MST1: variants seen among roughly 807,000 people sequenced by gnomAD.
The protein encoded by MST1 is hepatocyte growth factor-like protein.
MST1 carries 76 observed loss-of-function variants against 100.1 expected under a neutral mutation model. The observed-to-expected ratio is 0.76, with a 90% confidence interval of 0.63 to 0.92. The LOEUF is 0.92. MST1 is among the 40% of genes least tolerant of loss of function. The pLI, the probability that MST1 is intolerant of heterozygous loss-of-function variation, is 0.00. For synonymous variants in MST1, 352 were observed against 385.4 expected (o/e 0.91, Z 1.01); for missense variants, 850 against 990.0 (o/e 0.86, Z 1.90).
At position 49,684,745 on chromosome 3, in the gene MST1, G is replaced by C. The variant is rs537341158; in HGVS notation, c.1762C>G (p.Leu588Val). Residue 588 changes from leucine to valine, a missense_variant, in exon 15 of 18, where the codon CTG (leucine) becomes GTG (valine). Leu to Val is a conservative substitution (Grantham distance 32). Coordinates refer to ENST00000449682, the MANE Select transcript of MST1 (RefSeq NM_020998.4). ...PSGSQLVLLK[L>V]ERSVTLNQRV... ...CCCAGGTTGTCCACATACCTCTCCA[G>C]CTTGAGCAGGACAAGCTGGGAGCCT... 1 of 1,613,428 alleles carries C rather than the reference G, an allele frequency of 6.2e-7. No individual in the cohort carries two copies. Among genetic ancestry groups the C allele is most frequent in the East Asian group, 2.2e-5 (1 of 44,878 alleles).
rs2053626203 is a variant in MST1, at chr3:49,685,375, C to T, written c.1431G>A (p.Val477=). The T allele has an allele frequency of 1.2e-6, 2 of 1,613,602 alleles. No homozygotes were observed. The highest frequency in any genetic ancestry group is 1.7e-6 in the Non-Finnish European group (2 of 1,179,870). Residue 477 remains valine (V), a synonymous_variant, in exon 13 of 18, where the codon GTG becomes GTA. Transcript: ENST00000449682. ...PPSILDPPDQ[V]QFEKCGKRVD... ...CCCTCTTGCCACACTTCTCAAACTG[C>T]ACCTGGTCTGTAGGATGGGGTGGGC...
chr3:49,688,056 GAT>G, intron 1 of MST1, 159 bp from the exon 2 acceptor site: 1 of 1,209,686 alleles, frequency 8.3e-7, no homozygotes, highest in East Asian at 2.6e-5. Flanking sequence ...CCCCTGCACA[GAT>G]ACTTGTGAAA....
At position 49,685,317 on chromosome 3, in the gene MST1, G is replaced by C; in HGVS notation, c.1489C>G (p.Arg497Gly). 6.2e-7 allele frequency: 1 copy of C among 1,613,342 alleles called. No individual in the cohort carries two copies. Among genetic ancestry groups the C allele is most frequent in the Non-Finnish European group, 8.5e-7 (1 of 1,179,854 alleles). The stretch of plus-strand genomic sequence containing the variant: ...TTGCCCGGATGGCCCCCAACCACGC[G>C]CAGCTTGGAACGCCGCTGATCCAGC... ...DRLDQRRSKL[R>G]VVGGHPGNSP... Residue 497 changes from arginine (R) to glycine (G), a missense_variant, in exon 13 of 18, where the codon CGC (arginine) becomes GGC (glycine). Physicochemically the swap from Arg to Gly is moderately radical, Grantham distance 125 (BLOSUM62 -2). Around this residue, in one of 2 missense-constraint regions of MST1, gnomAD observed 816 missense variants for 924.6 expected, o/e 0.88. Transcript: ENST00000449682.
At position 49,685,477 on chromosome 3, in the gene MST1, G is replaced by T. The variant is rs774015694; in HGVS notation, c.1417C>A (p.Pro473Thr). Residue 473 changes from proline to threonine, a missense_variant, in exon 12 of 18, where the codon CCC becomes ACC. By Grantham distance (38) the Pro-to-Thr change is conservative (BLOSUM62 -1). This residue lies in a region of MST1 where 816 missense variants were observed against 924.6 expected (regional missense o/e 0.88). Coordinates refer to ENST00000449682, the MANE Select transcript of MST1 (RefSeq NM_020998.4). ...ADDQPPSILD[P>T]PDQVQFEKCG... ...AACTGGCCCAACTCCTAACCTGGGGGGTCCAGGATTGATGGCGGCTGGTCA... is the reference window on the plus strand; with the variant it reads ...AACTGGCCCAACTCCTAACCTGGGGTGTCCAGGATTGATGGCGGCTGGTCA... 7.4e-6 allele frequency: 12 copies of T among 1,613,688 alleles called. No homozygotes were observed. Among genetic ancestry groups the T allele is most frequent in the African/African-American group, 1.3e-5 (1 of 75,062 alleles).
rs2053850504 is a variant in MST1, at chr3:49,687,224, G to T, written c.532C>A (p.Pro178Thr). The T allele has an allele frequency of 6.2e-7, 1 of 1,613,342 alleles. No homozygotes were observed. The highest frequency in any genetic ancestry group is 1.7e-5 in the Admixed American group (1 of 59,994). Reference sequence around the variant, plus strand: ...GTTGTGTAGCACCAAGGACCTCCGGGGTCGCCATCAGGGTTACGGCAGAAG... The same window carrying T: ...GTTGTGTAGCACCAAGGACCTCCGGTGTCGCCATCAGGGTTACGGCAGAAG... ...ENFCRNPDGD[P>T]GGPWCYTTDP... The change falls in exon 5 of 18, where the codon CCC (proline) becomes ACC (threonine). Residue 178 changes from proline (P) to threonine (T), a missense_variant. Coordinates refer to ENST00000449682, the MANE Select transcript of MST1 (RefSeq NM_020998.4).
chr3:49,685,562 G>T (rs1372019133), intron 11 of MST1, 34 bp downstream of exon 11: 4 of 1,613,330 alleles, frequency 2.5e-6, no homozygotes, highest in Non-Finnish European at 3.4e-6. Context: ...GGGGGCTGAG[G>T]CAGGGTCATG....
In MST1 at chr3:49,688,687, C is replaced by A. The variant is rs757849106; in HGVS notation, c.5G>T (p.Gly2Val). Residue 2 changes from glycine (G) to valine (V), a missense_variant, in exon 1 of 18, where the codon GGG becomes GTG. Physicochemically the swap from Gly to Val is moderately radical, Grantham distance 109. Coordinates refer to ENST00000449682, the MANE Select transcript of MST1 (RefSeq NM_020998.4). MGLWWVTVQPPA... is the reference protein window; with the variant it reads MVLWWVTVQPPA... ...AGGCTGCACTGTGACCCACCACAGC[C>A]CCATCCGGGAAGTTGTGAAACCTGT... 1 of 1,603,482 alleles carries A rather than the reference C, an allele frequency of 6.2e-7. No individual in the cohort carries two copies. The highest frequency in any genetic ancestry group is 8.5e-7 in the Non-Finnish European group (1 of 1,175,714).
At position 49,683,968 on chromosome 3, in the gene MST1, T is replaced by C; in HGVS notation, c.*60A>G. The C allele has an allele frequency of 6.3e-7, 1 of 1,580,170 alleles. No individual in the cohort carries two copies. The highest frequency in any genetic ancestry group is 8.6e-7 in the Non-Finnish European group (1 of 1,163,872). The stretch of plus-strand genomic sequence containing the variant: ...TCTGTACAGGCATAAAGAGGAAACA[T>C]GGCTTTATGTCTGACAAGAAGTTTT... On this transcript the variant is annotated 3_prime_UTR_variant, in exon 18 of 18. Transcript: ENST00000449682.
chr3:49,686,476 C>A lies in MST1; in HGVS notation c.853G>T (p.Glu285Ter). 6.2e-7 allele frequency: 1 copy of A among 1,612,406 alleles called. No homozygotes were observed. The highest frequency in any genetic ancestry group is 8.5e-7 in the Non-Finnish European group (1 of 1,179,780). ...EFCDLPRCGS[E>*]AQPRQEATTV... Reference sequence around the variant, plus strand: ...GTGGCCTCTTGGCGGGGCTGTGCCTCGGACCCTTAGATGGACCGAGATAGG... The same window carrying A: ...GTGGCCTCTTGGCGGGGCTGTGCCTAGGACCCTTAGATGGACCGAGATAGG... The change falls in exon 8 of 18, where the codon GAG (glutamate) becomes TAG (stop). Residue 285 changes from glutamate (E) to a stop codon, truncating the protein, a stop_gained. Transcript: ENST00000449682. LOFTEE classifies it high-confidence loss of function.
rs748289558 is a variant in MST1, at chr3:49,684,360, C to T, written c.1970G>A (p.Ser657Asn). ...CAACAGTCCCTCAGTGCACATCTCA[C>T]TCTCCCGCACACGTCCTCGGTGCTT... ...NIKHRGRVRE[S>N]EMCTEGLLAP... The change falls in exon 17 of 18, where the codon AGT becomes AAT. Residue 657 changes from serine to asparagine, a missense_variant. Coordinates refer to ENST00000449682, the MANE Select transcript of MST1 (RefSeq NM_020998.4). The T allele has an allele frequency of 4.3e-6, 7 of 1,613,282 alleles. No individual in the cohort carries two copies. The highest frequency in any genetic ancestry group is 1.3e-5 in the African/African-American group (1 of 75,056).
rs1222398726 is a variant in MST1 at position 49,685,288 on chromosome 3, T to G, written c.1518A>C (p.Ser506=). 1 of 1,613,052 alleles carries G rather than the reference T, an allele frequency of 6.2e-7. No homozygotes were observed. The highest frequency in any genetic ancestry group is 2.2e-5 in the East Asian group (1 of 44,882). Residue 506 remains serine (S), a synonymous_variant, in exon 13 of 18, where the codon TCA becomes TCC. Transcript: ENST00000449682. ...LRVVGGHPGN[S]PWTVSLRNRQ... ...GATTCCGCAAGCTGACTGTCCAGGG[T>G]GAGTTGCCCGGATGGCCCCCAACCA...
rs41291704 is a variant in MST1, at chr3:49,687,206, A to C, written c.550T>G (p.Tyr184Asp). The change falls in exon 5 of 18, where the codon TAC (tyrosine) becomes GAC (aspartate). Residue 184 changes from tyrosine to aspartate, a missense_variant. By Grantham distance (160) the Tyr-to-Asp change is radical. Coordinates refer to ENST00000449682, the MANE Select transcript of MST1 (RefSeq NM_020998.4). Reference sequence around the variant, plus strand: ...AAGCGCACAGCAGGGTCTGTTGTGTAGCACCAAGGACCTCCGGGGTCGCCA... The same window carrying C: ...AAGCGCACAGCAGGGTCTGTTGTGTCGCACCAAGGACCTCCGGGGTCGCCA... ...PDGDPGGPWC[Y>D]TTDPAVRFQS... 1 of 1,613,422 alleles carries C rather than the reference A, an allele frequency of 6.2e-7. No individual in the cohort carries two copies.
intron 1 of MST1, 196 bp downstream of exon 1, chr3:49,688,402 G>A (rs968709673): frequency 5.0e-5 from 29 of 585,256 alleles, no homozygotes; most frequent in Non-Finnish European, 8.1e-5. Flanking sequence ...CAGTGCTAGA[G>A]CAGACGTGCT....
chr3:49,685,389 G>T lies in MST1; in HGVS notation c.1424-7C>A. On this transcript the variant is annotated splice_polypyrimidine_tract_variant and splice_region_variant and intron_variant, in intron 12 of 17. Coordinates refer to ENST00000449682, the MANE Select transcript of MST1 (RefSeq NM_020998.4). ...TTCTCAAACTGCACCTGGTCTGTAG[G>T]ATGGGGTGGGCTGGATGAAACCCAG... The T allele has an allele frequency of 6.2e-7, 1 of 1,613,732 alleles. No homozygotes were observed. The highest frequency in any genetic ancestry group is 1.1e-5 in the South Asian group (1 of 91,080).
intron 11 of MST1, 23 bp downstream of exon 11, chr3:49,685,573 G>A: frequency 6.2e-7 from 1 of 1,613,340 alleles, no homozygotes; most frequent in Non-Finnish European, 8.5e-7. Context: ...CAGGGTCATG[G>A]GGGAAGCGTC....
Position 49,684,027 on chromosome 3 carries a change from C to G in MST1, c.*1G>C. 6.2e-7 allele frequency: 1 copy of G among 1,612,474 alleles called. No homozygotes were observed. On this transcript the variant is annotated 3_prime_UTR_variant, in exon 18 of 18. Coordinates refer to ENST00000449682, the MANE Select transcript of MST1 (RefSeq NM_020998.4). ...CAAGGCATATGGCATCAAGGCTGGG[C>G]CTAACCCAGTCTCATGACCTTGTGA...
chr3:49,685,440 G>A (rs370425815), intron 12 of MST1, 31 bp downstream of exon 12: 343 of 1,613,352 alleles, frequency 2.1e-4, no homozygotes, highest in South Asian at 4.4e-4. Flanking sequence ...TGGGCTAAAG[G>A]GCCTGACCCA....
chr3:49,688,076 C>T, intron 1 of MST1, 179 bp from the exon 2 acceptor site: 1 of 1,060,898 alleles, frequency 9.4e-7, no homozygotes, highest in South Asian at 1.7e-5. Context: ...AAAAAAATTT[C>T]CCCTGGGAAG....
chr3:49,686,720 G>C lies in MST1; in HGVS notation c.811C>G (p.Gln271Glu). The change falls in exon 7 of 18, where the codon CAG becomes GAG. Residue 271 changes from glutamine (Q) to glutamate (E), a missense_variant. This residue lies in a region of MST1 where 816 missense variants were observed against 924.6 expected (regional missense o/e 0.88). Coordinates refer to ENST00000449682, the MANE Select transcript of MST1 (RefSeq NM_020998.4). ...AGGTCACAGAACTCTCGCTCGATCT[G>C]CGGATCCGTAGTGTAGCACCATGGC... Reference protein sequence around the residue: ...ERPWCYTTDPQIEREFCDLPR... With the variant: ...ERPWCYTTDPEIEREFCDLPR... The C allele has an allele frequency of 6.3e-7, 1 of 1,593,032 alleles. No homozygotes were observed. Among genetic ancestry groups the C allele is most frequent in the African/African-American group, 1.3e-5 (1 of 74,564 alleles).
Sources: gnomAD v4.1 joint callset for allele counts on GRCh38, gnomAD v4.1.1 for gene constraint, gnomAD v4.1.1 regional missense constraint, MANE v1.5 for transcripts, NCBI Gene and HGNC (gene_info 2026-07-23, HGNC 2026-07-21) for gene names.